KCNQ1: variants seen among roughly 807,000 people sequenced by gnomAD.
KCNQ1 encodes potassium voltage-gated channel subfamily KQT member 1.
KCNQ1 carries 49 observed loss-of-function variants against 72.4 expected under a neutral mutation model. The ratio of observed to expected loss-of-function variants is 0.68; its 90% confidence interval spans 0.54 to 0.86. KCNQ1 has a LOEUF of 0.86. Among genes scored for constraint, KCNQ1 ranks in the 40% least tolerant of loss-of-function variants. The probability of loss-of-function intolerance (pLI) is 0.00; values close to 1 mark genes in which losing one functional copy is unlikely to be tolerated. For synonymous variants in KCNQ1, 450 were observed against 412.6 expected, an observed-to-expected ratio of 1.09 and a Z score of -1.10; for missense variants, 790 against 945.1, an observed-to-expected ratio of 0.84 and a Z score of 2.15.
At chr11:2,571,949 T>G in intron 4 of KCNQ1, 64 bp from the exon 5 acceptor site, 1 of 1,425,026 alleles carries the variant, frequency 7.0e-7, no homozygotes, top group Non-Finnish European at 9.8e-7. Context: ...CGGCCAGCCC[T>G]AGGCCCGGCG....
At chr11:2,622,141 A>G (rs912831242) in intron 10 of KCNQ1, 7 of 398,208 alleles carry the variant, frequency 1.8e-5, no homozygotes, top group Admixed American at 8.8e-5. Context: ...CCCATTACTG[A>G]AAGTACGTTA....
In KCNQ1 at chr11:2,752,662, G is replaced by A. The variant is rs768535815; in HGVS notation, c.1515-16182G>A. 2.0e-4 allele frequency among the ~76,000 whole-genome samples: 30 copies of A among 152,032 alleles called. No homozygotes were observed. The highest frequency in any genetic ancestry group is 4.0e-4 in the Non-Finnish European group (27 of 68,022). On this transcript the variant is annotated intron_variant, in intron 11 of 15. Coordinates refer to ENST00000155840, the MANE Select transcript of KCNQ1 (RefSeq NM_000218.3). The surrounding 1 kb of genome is among the most constrained non-coding windows in gnomAD (Gnocchi z 5.2). ...CCTCAGGCCTCCTTTCCAAGGGCAC[G>A]CATCCTCTTCCTGAAGGCTCTGCCC...
Position 2,498,902 on chromosome 11 carries a change from T to A in KCNQ1, c.387-29026T>A, listed in dbSNP as rs1221123629. 6.6e-6 allele frequency among the ~76,000 whole-genome samples: 1 copy of A among 152,200 alleles called. No homozygotes were observed. The highest frequency in any genetic ancestry group is 1.5e-5 in the Non-Finnish European group (1 of 68,028). On this transcript the variant is annotated intron_variant, in intron 1 of 15. Coordinates refer to ENST00000155840, the MANE Select transcript of KCNQ1 (RefSeq NM_000218.3). This position sits in a 1 kb window ranked among gnomAD's most constrained non-coding sequence, Gnocchi z 4.8. ...AGGCCGGGTATCACAGTCCCGGGTA[T>A]CACAGATGACGGGTTGATGGGTGCA...
intron 15 of KCNQ1, among the ~76,000 whole-genome samples, chr11:2,791,017 G>A (rs1210272158): frequency 6.6e-6 from 1 of 152,224 alleles, no homozygotes; most frequent in Non-Finnish European, 1.5e-5. Flanking sequence ...CTCTTAGCCT[G>A]CCTGTGGGGG....
chr11:2,805,516 G>A (rs778009126), intron 15 of KCNQ1, among the ~76,000 whole-genome samples: 3 of 152,208 alleles, frequency 2.0e-5, no homozygotes, highest in Admixed American at 6.5e-5. Flanking sequence ...ATCTGGCCCC[G>A]CTGCCTGTTT....
At chr11:2,640,621 A>C (rs1849558859) in intron 10 of KCNQ1, 2 of 396,862 alleles carry the variant, frequency 5.0e-6, no homozygotes, top group Non-Finnish European at 4.4e-6. Context: ...CTATTGTTAC[A>C]TGCATCGAAT....
intron 10 of KCNQ1, chr11:2,628,470 T>G (rs1235933873): frequency 2.5e-6 from 1 of 398,358 alleles, no homozygotes; most frequent in Non-Finnish European, 4.4e-6. Flanking sequence ...CTTGTCCATC[T>G]TAACAGGTTA....
In KCNQ1 at chr11:2,545,363, G is replaced by A. The variant is rs78700137; in HGVS notation, c.477+17345G>A. Reference sequence around the variant, plus strand: ...AGAATTGGTCTTATTTCTTCCCTCTGTGTTTGGTGGACTCCATCAGGAAAG... The same window carrying A: ...AGAATTGGTCTTATTTCTTCCCTCTATGTTTGGTGGACTCCATCAGGAAAG... On this transcript the variant is annotated intron_variant, in intron 2 of 15. Coordinates refer to ENST00000155840, the MANE Select transcript of KCNQ1 (RefSeq NM_000218.3). Among the ~76,000 whole-genome samples the A allele has an allele frequency of 4.6e-3, 695 of 152,272 alleles. 5 individuals are homozygous for A. Among genetic ancestry groups the A allele is most frequent in the African/African-American group, 0.016 (671 of 41,558 alleles).
In KCNQ1 at chr11:2,593,587, C is replaced by T. The variant is rs930498833; in HGVS notation, c.1393+4733C>T. Among the ~76,000 whole-genome samples the T allele has an allele frequency of 3.3e-5, 5 of 152,140 alleles. No individual in the cohort carries two copies. The highest frequency in any genetic ancestry group is 4.1e-4 in the South Asian group (2 of 4,830). On this transcript the variant is annotated intron_variant, in intron 10 of 15. Transcript: ENST00000155840. This position sits in a 1 kb window ranked among gnomAD's most constrained non-coding sequence, Gnocchi z 6.9. ...GTTTCCCGTTTGTGAAGTGGGGCAG[C>T]GTGCTGGAGGAGCATGCATCACATA...
At position 2,598,778 on chromosome 11, in the gene KCNQ1, A is replaced by C. The variant is rs1164854740; in HGVS notation, c.1393+9924A>C. Among the ~76,000 whole-genome samples the C allele has an allele frequency of 6.6e-6, 1 of 152,108 alleles. No homozygotes were observed. The highest frequency in any genetic ancestry group is 1.5e-5 in the Non-Finnish European group (1 of 68,026). On this transcript the variant is annotated intron_variant, in intron 10 of 15. Coordinates refer to ENST00000155840, the MANE Select transcript of KCNQ1 (RefSeq NM_000218.3). The surrounding 1 kb of genome is among the most constrained non-coding windows in gnomAD (Gnocchi z 6.2). ...CATAGCCCAGCTCTGCCATTTTCTTATGTGGCCCTAAGCAAGCTACTGCAT... is the reference window on the plus strand; with the variant it reads ...CATAGCCCAGCTCTGCCATTTTCTTCTGTGGCCCTAAGCAAGCTACTGCAT...
In KCNQ1 at chr11:2,495,648, T is replaced by C. The variant is rs752293353; in HGVS notation, c.387-32280T>C. ...CAATTTCCATGTATCTGTGTGGTTT[T>C]TAGTGAGTTTCTTCATCCTGAGTTC... On this transcript the variant is annotated intron_variant, in intron 1 of 15. Coordinates refer to ENST00000155840, the MANE Select transcript of KCNQ1 (RefSeq NM_000218.3). The surrounding 1 kb of genome is among the most constrained non-coding windows in gnomAD (Gnocchi z 4.6). Among the ~76,000 whole-genome samples the C allele has an allele frequency of 2.8e-4, 42 of 152,360 alleles. No individual in the cohort carries two copies. Among genetic ancestry groups the C allele is most frequent in the Admixed American group, 6.5e-4 (10 of 15,308 alleles).
chr11:2,459,508 A>G (rs1379725058), intron 1 of KCNQ1, among the ~76,000 whole-genome samples: 1 of 152,166 alleles, frequency 6.6e-6, no homozygotes, highest in Non-Finnish European at 1.5e-5. Context: ...AAGGGTATGT[A>G]GGGGTCACTG....
intron 11 of KCNQ1, among the ~76,000 whole-genome samples, chr11:2,719,501 A>G (rs112406628): frequency 7.1e-6 from 1 of 141,598 alleles, no homozygotes; most frequent in South Asian, 2.3e-4. Context: ...ACAAACAAAC[A>G]AAAAAAAAAA....
intron 6 of KCNQ1, among the ~76,000 whole-genome samples, chr11:2,581,491 C>T (rs777058104): frequency 8.5e-5 from 13 of 152,202 alleles, no homozygotes; most frequent in Non-Finnish European, 1.8e-4. Flanking sequence ...CGAGGGGCTC[C>T]GGTTCCCCCA....
intron 11 of KCNQ1, among the ~76,000 whole-genome samples, chr11:2,729,734 G>A (rs565417909): frequency 2.0e-5 from 3 of 152,288 alleles, no homozygotes; most frequent in Admixed American, 6.5e-5. Context: ...ATTTCGTATC[G>A]GGGGCTTGAG....
At chr11:2,819,994 A>G (rs907795498) in intron 15 of KCNQ1, among the ~76,000 whole-genome samples, 1 of 152,164 alleles carries the variant, frequency 6.6e-6, no homozygotes, top group African/African-American at 2.4e-5. Flanking sequence ...TTACTTGCTT[A>G]AGGTTTATCT....
Position 2,445,021 on chromosome 11 carries a change from A to C in KCNQ1, c.-78A>C, listed in dbSNP as rs2133559144. ...GGGGCTGGCAGCAGTGGCTGCCCGC[A>C]CTGCGCCCGGGCGCTCGCCTTCGCT... On this transcript the variant is annotated 5_prime_UTR_variant, in exon 1 of 16. Transcript: ENST00000155840. 1 of 968,592 alleles carries C rather than the reference A, an allele frequency of 1.0e-6. No individual in the cohort carries two copies. Among genetic ancestry groups the C allele is most frequent in the Non-Finnish European group, 1.2e-6 (1 of 807,954 alleles). The allele number at this position is 968,592 out of a possible 1,614,324, so 60.0% of individuals were successfully genotyped here. A position where few individuals can be genotyped will look rare whatever the true frequency, so the allele number is the denominator to read the frequency against.
intron 11 of KCNQ1, chr11:2,696,409 G>C: frequency 2.5e-6 from 1 of 398,566 alleles, no homozygotes; most frequent in Non-Finnish European, 4.4e-6. Flanking sequence ...CCTTCCTCTA[G>C]ACTTGGAGTT....
chr11:2,632,199 A>G (rs964918230), intron 10 of KCNQ1: 3 of 397,828 alleles, frequency 7.5e-6, no homozygotes, highest in African/African-American at 2.1e-5. Context: ...AAAAAAAAAA[A>G]AAAAGAAATG....
Sources: gnomAD v4.1 joint callset for allele counts (sites outside exome capture counted in the v4.1 genomes callset) on GRCh38, gnomAD v4.1.1 for gene constraint, Gnocchi (gnomAD v3.1) non-coding constraint, MANE v1.5 for transcripts, NCBI Gene and HGNC (gene_info 2026-07-23, HGNC 2026-07-21) for gene names.